KLHL1: variants seen among roughly 807,000 people sequenced by gnomAD.
KLHL1 encodes the protein kelch like family member 1.
Under a neutral mutation model 77.7 loss-of-function variants are expected in KLHL1, and 47 were observed. That is an observed-to-expected ratio of 0.60 (90% CI 0.48 to 0.77). The LOEUF (loss-of-function observed/expected upper bound fraction) is 0.77. Ranked by LOEUF, KLHL1 falls within the 30% of genes least tolerant of loss-of-function variation. The pLI, the probability that KLHL1 is intolerant of heterozygous loss-of-function variation, is 0.00. For synonymous variants in KLHL1, 360 were observed against 325.2 expected (o/e 1.11, Z -1.15); for missense variants, 925 against 910.8 (o/e 1.02, Z -0.20).
intron 4 of KLHL1, among the ~76,000 whole-genome samples, chr13:69,904,316 CA>C (rs1395999950): frequency 2.0e-5 from 3 of 152,084 alleles, no homozygotes; most frequent in African/African-American, 7.2e-5. Context: ...TAAAGATTCT[CA>C]CCTTGAGAAT....
At chr13:69,905,564 G>C (rs559342063) in intron 4 of KLHL1, among the ~76,000 whole-genome samples, 43 of 152,072 alleles carry the variant, frequency 2.8e-4, no homozygotes, top group African/African-American at 1.0e-3. Flanking sequence ...AATTGATCTA[G>C]CCTATTGAGA....
intron 1 of KLHL1, among the ~76,000 whole-genome samples, chr13:70,007,829 G>T (rs1254301510): frequency 6.6e-6 from 1 of 151,958 alleles, no homozygotes; most frequent in Non-Finnish European, 1.5e-5. Context: ...CTCAAGGAGT[G>T]AATATTTTCT....
At chr13:69,804,641 C>T (rs1054266554) in intron 6 of KLHL1, among the ~76,000 whole-genome samples, 1 of 152,006 alleles carries the variant, frequency 6.6e-6, no homozygotes, top group Admixed American at 6.6e-5. Context: ...TAATTTAAAG[C>T]AGCAATGGGT....
At chr13:69,807,818 G>A (rs1027663918) in intron 6 of KLHL1, among the ~76,000 whole-genome samples, 3 of 152,160 alleles carry the variant, frequency 2.0e-5, no homozygotes, top group Non-Finnish European at 2.9e-5. Context: ...TGAAGCTGAG[G>A]TTTCTTGCAG....
chr13:69,817,434 C>A (rs1878164185), intron 6 of KLHL1, among the ~76,000 whole-genome samples: 1 of 152,142 alleles, frequency 6.6e-6, no homozygotes, highest in Non-Finnish European at 1.5e-5. Flanking sequence ...TAAATGAGCA[C>A]CCAACCTCAC....
chr13:69,971,903 C>A (rs1884392420), intron 2 of KLHL1, among the ~76,000 whole-genome samples: 1 of 152,000 alleles, frequency 6.6e-6, no homozygotes, highest in Non-Finnish European at 1.5e-5. Context: ...AAAGATGCTT[C>A]ATGGACTGCT....
intron 7 of KLHL1, among the ~76,000 whole-genome samples, chr13:69,770,681 G>A (rs2137981685): frequency 6.6e-6 from 1 of 152,244 alleles, no homozygotes; most frequent in South Asian, 2.1e-4. Context: ...GAGAGAGATG[G>A]AAGTCTAAAG....
At chr13:70,067,248 C>G (rs952839696) in intron 1 of KLHL1, among the ~76,000 whole-genome samples, 2 of 152,154 alleles carry the variant, frequency 1.3e-5, no homozygotes, top group Non-Finnish European at 2.9e-5. Flanking sequence ...TGTGAAAGTA[C>G]CCTCTACTCA....
At chr13:69,754,770 T>C (rs2137954533) in intron 7 of KLHL1, among the ~76,000 whole-genome samples, 1 of 152,290 alleles carries the variant, frequency 6.6e-6, no homozygotes, top group African/African-American at 2.4e-5. Context: ...TACACCATTG[T>C]TCGAGTCTTA....
chr13:69,779,591 T>G (rs2137999480), intron 7 of KLHL1, among the ~76,000 whole-genome samples: 1 of 152,090 alleles, frequency 6.6e-6, no homozygotes, highest in South Asian at 2.1e-4. Flanking sequence ...CAGAAACTGA[T>G]AAAATGAGAG....
intron 5 of KLHL1, among the ~76,000 whole-genome samples, chr13:69,878,711 T>TAGAG (rs988830315): frequency 4.2e-5 from 6 of 143,596 alleles, no homozygotes; most frequent in East Asian, 4.1e-4. Flanking sequence ...TATATATATA[T>TAGAG]AGAGAGAGAG....
At chr13:70,038,572 T>C (rs7998093) in intron 1 of KLHL1, among the ~76,000 whole-genome samples, 36,686 of 143,982 alleles carry the variant, frequency 0.25, 5,404 homozygotes, top group African/African-American at 0.4. Context: ...GCATTTGGGA[T>C]TGTCATTAAT....
In KLHL1 at chr13:69,839,078, G is replaced by C. The variant is rs746106179; in HGVS notation, c.1312C>G (p.Leu438Val). The C allele has an allele frequency of 5.0e-6, 8 of 1,609,418 alleles. No individual in the cohort carries two copies. The Admixed American group carries it at 8.4e-5, about 17-fold the overall frequency. The change falls in exon 6 of 11, where the codon CTA becomes GTA. Residue 438 changes from leucine to valine, a missense_variant. Physicochemically the swap from Leu to Val is conservative, Grantham distance 32. Coordinates refer to ENST00000377844, the MANE Select transcript of KLHL1 (RefSeq NM_020866.3). The part of the protein sequence containing the change: ...KLILEAMKYH[L>V]LPERRTLMQS... ...ATTAAAGTTCTTCTTTCTGGCAATA[G>C]ATGGTATTTCATTGCTTCTAGAATC... is the stretch of plus-strand genomic sequence containing the variant.
chr13:69,944,868 G>A (rs955228496), intron 3 of KLHL1, among the ~76,000 whole-genome samples: 1 of 151,598 alleles, frequency 6.6e-6, no homozygotes, highest in African/African-American at 2.4e-5. Flanking sequence ...GTCTTTGAAT[G>A]AGTCAGATAT....
At chr13:70,072,458 G>A (rs1887158054) in intron 1 of KLHL1, among the ~76,000 whole-genome samples, 1 of 152,028 alleles carries the variant, frequency 6.6e-6, no homozygotes, top group African/African-American at 2.4e-5. Flanking sequence ...CAGTATCCCA[G>A]TAAAACCAAA....
intron 1 of KLHL1, among the ~76,000 whole-genome samples, chr13:70,049,613 T>C (rs1011423341): frequency 2.0e-5 from 3 of 152,134 alleles, no homozygotes; most frequent in Non-Finnish European, 4.4e-5. Flanking sequence ...CTTATAATAG[T>C]TTATTTACAC....
chr13:69,933,815 GA>G (rs112717494), intron 4 of KLHL1, among the ~76,000 whole-genome samples: 3,061 of 149,950 alleles, frequency 0.02, 44 homozygotes, highest in Middle Eastern at 0.055. Context: ...AAATACTTGA[GA>G]AAAAAAAATC....
chr13:70,049,803 AT>A (rs1179717966), intron 1 of KLHL1, among the ~76,000 whole-genome samples: 1 of 152,038 alleles, frequency 6.6e-6, no homozygotes, highest in Non-Finnish European at 1.5e-5. Flanking sequence ...CAAACTTAGT[AT>A]TTTTCAAACT....
chr13:69,865,054 C>T (rs1490979542), intron 5 of KLHL1, among the ~76,000 whole-genome samples: 1 of 152,116 alleles, frequency 6.6e-6, no homozygotes, highest in Admixed American at 6.6e-5. Flanking sequence ...TCAGGCGATC[C>T]TCCTGCCTCA....
Sources: allele counts gnomAD v4.1 joint callset (sites outside exome capture counted in the v4.1 genomes callset), GRCh38; gene constraint gnomAD v4.1.1; transcripts MANE v1.5; gene names NCBI Gene and HGNC (gene_info 2026-07-23, HGNC 2026-07-21).